The following AZIN2 variants were observed in gnomAD, a reference collection of about 807,000 sequenced individuals.
AZIN2 encodes the protein antizyme inhibitor 2.
Under a neutral mutation model 47.8 loss-of-function variants are expected in AZIN2, and 28 were observed. The observed-to-expected ratio is 0.59, with a 90% CI of 0.43 to 0.80. The LOEUF (loss-of-function observed/expected upper bound fraction) is 0.80, where lower values mean the gene tolerates loss of function less well. Among genes scored for constraint, AZIN2 ranks in the 30% least tolerant of loss-of-function variants. The probability of loss-of-function intolerance (pLI) is 0.00; values close to 1 mark genes in which losing one functional copy is unlikely to be tolerated. For missense variants in AZIN2, 535 were observed against 582.5 expected, an observed-to-expected ratio of 0.92 and a Z score of 0.84; for synonymous variants, 221 against 239.4, an observed-to-expected ratio of 0.92 and a Z score of 0.71.
intron 10 of AZIN2, among the ~76,000 whole-genome samples, chr1:33,103,106 G>T (rs1570092573): frequency 1.3e-5 from 2 of 151,916 alleles, no homozygotes; most frequent in Admixed American, 6.6e-5. Flanking sequence ...CCATTAACTG[G>T]TTTTCCACCC....
Position 33,121,143 on chromosome 1 carries a change from G to C in AZIN2, c.*961G>C, listed in dbSNP as rs1410830810. ...TCCCAAATTATGCCCCGGGGTGTGT[G>C]AGCTGTTGAGCAAAGGAGTTCAGAT... On this transcript the variant is annotated 3_prime_UTR_variant, in exon 12 of 12. Transcript: ENST00000294517. 6.6e-6 allele frequency among the ~76,000 whole-genome samples: 1 copy of C among 152,206 alleles called. No individual in the cohort carries two copies. Among genetic ancestry groups the C allele is most frequent in the Non-Finnish European group, 1.5e-5 (1 of 68,036 alleles).
At chr1:33,117,246 A>G (rs1403979340) in intron 10 of AZIN2, among the ~76,000 whole-genome samples, 1 of 152,116 alleles carries the variant, frequency 6.6e-6, no homozygotes, top group Non-Finnish European at 1.5e-5. Flanking sequence ...CATCTTTCTC[A>G]TTAGACTGAG....
Position 33,113,748 on chromosome 1 carries a change from C to T in AZIN2, c.1030-4154C>T, listed in dbSNP as rs60516754. Among the ~76,000 whole-genome samples, 2,882 of 152,278 alleles carry T rather than the reference C, an allele frequency of 0.019. 76 individuals carry two copies. The highest frequency in any genetic ancestry group is 0.08 in the East Asian group (416 of 5,182). On this transcript the variant is annotated intron_variant, in intron 10 of 11. Coordinates refer to ENST00000294517, the MANE Select transcript of AZIN2 (RefSeq NM_052998.4). This position sits in a 1 kb window ranked among gnomAD's most constrained non-coding sequence, Gnocchi z 4.1. ...TTTGGAAAATGACAGGGCTGAACTT[C>T]AGTGTATCTCAATGAAGTCAGAGTT...
chr1:33,103,862 G>A (rs1376290755), intron 10 of AZIN2, among the ~76,000 whole-genome samples: 1 of 151,660 alleles, frequency 6.6e-6, no homozygotes, highest in Non-Finnish European at 1.5e-5. Context: ...AGTAGGTTCA[G>A]TATATGTTGG....
At chr1:33,151,562 C>G in the AZIN2 span, among the ~76,000 whole-genome samples, 1 of 152,206 alleles carries the variant, frequency 6.6e-6, no homozygotes, top group Non-Finnish European at 1.5e-5. Flanking sequence ...GTTCCTCCAT[C>G]TGTCCCTCAT....
intron 10 of AZIN2, among the ~76,000 whole-genome samples, chr1:33,104,772 C>T (rs1192196594): frequency 6.6e-6 from 1 of 152,184 alleles, no homozygotes; most frequent in Non-Finnish European, 1.5e-5. Flanking sequence ...CAGTCATGCT[C>T]ACTGTAGCCT....
At chr1:33,091,486 C>A (rs1569956504) in intron 5 of AZIN2, among the ~76,000 whole-genome samples, 2 of 152,278 alleles carry the variant, frequency 1.3e-5, no homozygotes, top group South Asian at 4.1e-4. Flanking sequence ...GTGATCTGCC[C>A]ACCTCAGCCT....
intron 5 of AZIN2, among the ~76,000 whole-genome samples, chr1:33,087,134 ATT>A (rs57034814): frequency 2.6e-4 from 37 of 142,560 alleles, no homozygotes; most frequent in Middle Eastern, 3.6e-3. Context: ...GATATGTAGT[ATT>A]TTTTTTTTTT....
At chr1:33,138,817 T>C in the AZIN2 span, among the ~76,000 whole-genome samples, 1 of 152,096 alleles carries the variant, frequency 6.6e-6, no homozygotes, top group Non-Finnish European at 1.5e-5. Context: ...ACATTTTAAA[T>C]GAGAAAATCT....
At chr1:33,126,826 T>C (rs1303478383), downstream of AZIN2, among the ~76,000 whole-genome samples, 1 of 152,168 alleles carries the variant, frequency 6.6e-6, no homozygotes, top group Non-Finnish European at 1.5e-5. Flanking sequence ...AATGAGTAAT[T>C]TTTTAGCATA....
the AZIN2 span, among the ~76,000 whole-genome samples, chr1:33,135,250 T>C: frequency 6.6e-6 from 1 of 152,172 alleles, no homozygotes; most frequent in Admixed American, 6.5e-5. Context: ...ATGGCGCCAC[T>C]GCACTCCTGC....
intron 4 of AZIN2, chr1:33,083,271 A>G (rs898998442): frequency 6.4e-6 from 1 of 155,204 alleles, no homozygotes; most frequent in Non-Finnish European, 1.4e-5. Context: ...GTGTTGCATG[A>G]AAGGGAAACT....
At chr1:33,092,979 T>C (rs1361241131) in intron 6 of AZIN2, among the ~76,000 whole-genome samples, 11 of 152,222 alleles carry the variant, frequency 7.2e-5, no homozygotes, top group Admixed American at 7.2e-4. Context: ...GTTCCTCTCA[T>C]ACACGACAAG....
chr1:33,083,856 G>A, intron 4 of AZIN2, 98 bp from the exon 5 acceptor site: 1 of 1,450,084 alleles, frequency 6.9e-7, no homozygotes, highest in Non-Finnish European at 9.5e-7. Context: ...TCTGTGGCCA[G>A]TACTGAACCT....
chr1:33,135,934 C>T, the AZIN2 span, among the ~76,000 whole-genome samples: 1 of 152,130 alleles, frequency 6.6e-6, no homozygotes, highest in Non-Finnish European at 1.5e-5. Context: ...AGGCCCAGCC[C>T]TCCCTCCCCA....
Position 33,120,031 on chromosome 1 carries a change from C to T in AZIN2, c.1245-13C>T. 1.9e-6 allele frequency: 3 copies of T among 1,613,482 alleles called. No homozygotes were observed. The highest frequency in any genetic ancestry group is 2.5e-6 in the Non-Finnish European group (3 of 1,179,890). On this transcript the variant is annotated splice_polypyrimidine_tract_variant and intron_variant, in intron 11 of 11. Coordinates refer to ENST00000294517, the MANE Select transcript of AZIN2 (RefSeq NM_052998.4). ...CATGCTGGCTACTTGCAGCACCCCT[C>T]TCTCACCCCTAGGGAAGCGCTGCGA... is the stretch of plus-strand genomic sequence containing the variant.
the AZIN2 span, among the ~76,000 whole-genome samples, chr1:33,132,674 T>C: frequency 6.6e-6 from 1 of 152,238 alleles, no homozygotes; most frequent in Non-Finnish European, 1.5e-5. Context: ...GTCATTGTTC[T>C]TTTCTAACCA....
chr1:33,150,805 C>G, the AZIN2 span, among the ~76,000 whole-genome samples: 1 of 152,060 alleles, frequency 6.6e-6, no homozygotes, highest in Non-Finnish European at 1.5e-5. Flanking sequence ...GGAACCTAAT[C>G]AGACATAGGT....
intron 4 of AZIN2, chr1:33,083,711 C>T: frequency 1.8e-6 from 1 of 551,748 alleles, no homozygotes; most frequent in South Asian, 2.0e-5. Flanking sequence ...GAAAATGATC[C>T]AGCCTACAGC....
Sources: gnomAD v4.1 joint callset for allele counts (sites outside exome capture counted in the v4.1 genomes callset) on GRCh38, gnomAD v4.1.1 for gene constraint, Gnocchi (gnomAD v3.1) non-coding constraint, MANE v1.5 for transcripts, NCBI Gene and HGNC (gene_info 2026-07-23, HGNC 2026-07-21) for gene names.